The following LHFPL2 variants were observed in gnomAD, a reference collection of about 807,000 sequenced individuals.
LHFPL2 encodes the protein LHFPL tetraspan subfamily member 2 protein.
In LHFPL2, 7 loss-of-function variants were observed where a neutral mutation model predicts 17.5. That is an observed-to-expected ratio of 0.40 (90% confidence interval 0.23 to 0.75). The LOEUF is 0.75. Ranked by LOEUF, LHFPL2 falls within the 30% of genes least tolerant of loss-of-function variation. The pLI is 0.37. For missense variants in LHFPL2, 241 were observed against 294.8 expected (o/e 0.82, Z 1.34); for synonymous variants, 134 against 116.2 (o/e 1.15, Z -0.99).
At chr5:78,526,033 G>A (rs896501551) in intron 3 of LHFPL2, among the ~76,000 whole-genome samples, 2 of 152,164 alleles carry the variant, frequency 1.3e-5, no homozygotes, top group Non-Finnish European at 2.9e-5. Context: ...AGTGCCAGGG[G>A]CTTCAAACCT....
Position 78,564,865 on chromosome 5 carries a change from A to C in LHFPL2, c.-238T>G, listed in dbSNP as rs953862015. The C allele has an allele frequency of 2.6e-5, 4 of 152,354 alleles. No homozygotes were observed. The highest frequency in any genetic ancestry group is 4.4e-5 in the Non-Finnish European group (3 of 68,034). 9.4% of individuals were successfully genotyped at this position (152,354 alleles called of 1,614,324 possible). Reference sequence around the variant, plus strand: ...AGTCTTAATGAACAACTTCAGAAAAATGCCACCTGGAAAAACAAATTGAAC... The same window carrying C: ...AGTCTTAATGAACAACTTCAGAAAACTGCCACCTGGAAAAACAAATTGAAC... On this transcript the variant is annotated 5_prime_UTR_variant, in exon 3 of 5. Coordinates refer to ENST00000380345, the MANE Select transcript of LHFPL2 (RefSeq NM_005779.3).
At chr5:78,536,242 G>A (rs888449272) in intron 3 of LHFPL2, among the ~76,000 whole-genome samples, 2 of 152,222 alleles carry the variant, frequency 1.3e-5, no homozygotes, top group East Asian at 1.9e-4. Flanking sequence ...GGGCTTGGCC[G>A]TGGCACTGTA....
chr5:78,598,995 C>T (rs1743915793), intron 2 of LHFPL2, among the ~76,000 whole-genome samples: 1 of 152,122 alleles, frequency 6.6e-6, no homozygotes. Context: ...ATTTCAGTAA[C>T]AGCCTTCTTA....
At chr5:78,647,904 G>A (rs1745942139) in intron 1 of LHFPL2, among the ~76,000 whole-genome samples, 1 of 151,870 alleles carries the variant, frequency 6.6e-6, no homozygotes, top group Non-Finnish European at 1.5e-5. Context: ...CCAGCCCGTG[G>A]GCTCAAGCCG....
intron 3 of LHFPL2, among the ~76,000 whole-genome samples, chr5:78,555,929 C>G (rs904582050): frequency 6.6e-6 from 1 of 152,210 alleles, no homozygotes; most frequent in Non-Finnish European, 1.5e-5. Context: ...CATGAGCCAA[C>G]ATGTTCTGTT....
intron 3 of LHFPL2, among the ~76,000 whole-genome samples, chr5:78,557,028 A>G (rs1480035873): frequency 6.6e-6 from 1 of 152,008 alleles, no homozygotes; most frequent in Non-Finnish European, 1.5e-5. Context: ...TTACATATGT[A>G]GACATGTGTC....
intron 3 of LHFPL2, among the ~76,000 whole-genome samples, chr5:78,562,795 TTTTATTAGGTTAAGTATTCAGAGAGGGG>T (rs1212128987): frequency 6.6e-6 from 1 of 151,916 alleles, no homozygotes; most frequent in Non-Finnish European, 1.5e-5. Context: ...AGAAGGCTGG[TTTTATTAGGTTAAGTATTCAGAGAGGGG>T]CATTTCAAGG....
intron 2 of LHFPL2, among the ~76,000 whole-genome samples, chr5:78,615,528 G>C (rs1744570609): frequency 6.6e-6 from 1 of 152,162 alleles, no homozygotes; most frequent in African/African-American, 2.4e-5. Flanking sequence ...ATATATGGTA[G>C]GCATTCTTCA....
At chr5:78,603,720 A>C (rs2112476482) in intron 2 of LHFPL2, among the ~76,000 whole-genome samples, 1 of 152,316 alleles carries the variant, frequency 6.6e-6, no homozygotes, top group South Asian at 2.1e-4. Flanking sequence ...TCTACTAAAA[A>C]ATTTTTTTCA....
chr5:78,594,263 C>A (rs114797976), intron 2 of LHFPL2, among the ~76,000 whole-genome samples: 2,020 of 152,266 alleles, frequency 0.013, 42 homozygotes, highest in African/African-American at 0.044. Flanking sequence ...CTCTGTTCCC[C>A]TATTTTTAGG....
At chr5:78,499,717 A>C (rs1461995681) in intron 4 of LHFPL2, among the ~76,000 whole-genome samples, 1 of 152,228 alleles carries the variant, frequency 6.6e-6, no homozygotes, top group East Asian at 1.9e-4. Flanking sequence ...GGAGAGTGGA[A>C]GACTGCACCA....
At chr5:78,643,790 G>A (rs1016706280) in intron 1 of LHFPL2, among the ~76,000 whole-genome samples, 4 of 152,192 alleles carry the variant, frequency 2.6e-5, no homozygotes, top group Non-Finnish European at 4.4e-5. Context: ...GTCGGGCATG[G>A]TGGCTCACGC....
chr5:78,583,384 T>C (rs1561351081), intron 2 of LHFPL2, among the ~76,000 whole-genome samples: 2 of 151,940 alleles, frequency 1.3e-5, no homozygotes, highest in Non-Finnish European at 2.9e-5. Context: ...GTCTCGATGG[T>C]CTTTACATTT....
At chr5:78,624,426 A>T (rs183470016) in intron 2 of LHFPL2, among the ~76,000 whole-genome samples, 51 of 152,306 alleles carry the variant, frequency 3.3e-4, no homozygotes, top group African/African-American at 1.2e-3. Context: ...ATTCCAGAGG[A>T]AGCACACTCT....
intron 2 of LHFPL2, among the ~76,000 whole-genome samples, chr5:78,616,380 C>G (rs565271334): frequency 2.0e-4 from 30 of 152,184 alleles, no homozygotes; most frequent in Middle Eastern, 3.4e-3. Context: ...AGCCGCCTCG[C>G]CCTCCCAAAG....
chr5:78,608,750 G>T (rs1054311739), intron 2 of LHFPL2, among the ~76,000 whole-genome samples: 1 of 152,004 alleles, frequency 6.6e-6, no homozygotes, highest in African/African-American at 2.4e-5. Context: ...GGCTAACATG[G>T]TGAAACCCCA....
intron 4 of LHFPL2, among the ~76,000 whole-genome samples, 175 bp from the exon 5 acceptor site, chr5:78,489,328 ATTAGAAATAT>A (rs1754361148): frequency 1.3e-5 from 2 of 152,376 alleles, no homozygotes; most frequent in South Asian, 4.1e-4. Flanking sequence ...GTATCACATT[ATTAGAAATAT>A]TTTCAGCCAC....
intron 3 of LHFPL2, among the ~76,000 whole-genome samples, chr5:78,520,520 C>T (rs1755420916): frequency 6.6e-6 from 1 of 152,250 alleles, no homozygotes; most frequent in Non-Finnish European, 1.5e-5. Flanking sequence ...GAGCAGATGG[C>T]TCCATAGGAC....
chr5:78,548,968 G>T (rs1201738604), intron 3 of LHFPL2: 2 of 152,198 alleles, frequency 1.3e-5, no homozygotes, highest in Non-Finnish European at 2.9e-5. Flanking sequence ...TATGTTGGTT[G>T]TATCTGTTAA....
Sources: gnomAD v4.1 joint callset for allele counts (sites outside exome capture counted in the v4.1 genomes callset) on GRCh38, gnomAD v4.1.1 for gene constraint, MANE v1.5 for transcripts, NCBI Gene and HGNC (gene_info 2026-07-23, HGNC 2026-07-21) for gene names.